PEBP4: variants seen among roughly 807,000 people sequenced by gnomAD.
PEBP4 encodes phosphatidylethanolamine binding protein 4.
In PEBP4, 22 loss-of-function variants were observed where a neutral mutation model predicts 23.9. The observed-to-expected ratio is 0.92, with a 90% CI of 0.66 to 1.31. PEBP4 has a LOEUF of 1.31. Among genes scored for constraint, PEBP4 ranks in the 40% most tolerant of loss-of-function variants. The pLI is 0.00. For synonymous variants in PEBP4, 112 were observed against 99.3 expected (o/e 1.13, Z -0.76); for missense variants, 324 against 281.7 (o/e 1.15, Z -1.07).
intron 3 of PEBP4, among the ~76,000 whole-genome samples, chr8:22,882,448 G>A (rs1303859162): frequency 6.6e-6 from 1 of 152,178 alleles, no homozygotes; most frequent in African/African-American, 2.4e-5. Flanking sequence ...CCAGGATTTG[G>A]GGTGGTGTGG....
At chr8:22,729,262 T>A (rs952236162) in intron 4 of PEBP4, among the ~76,000 whole-genome samples, 1 of 152,046 alleles carries the variant, frequency 6.6e-6, no homozygotes, top group African/African-American at 2.4e-5. Context: ...AGATGGAGAG[T>A]TCTAGGGCTG....
chr8:22,753,746 C>T (rs200937439), intron 4 of PEBP4, among the ~76,000 whole-genome samples: 5 of 152,148 alleles, frequency 3.3e-5, no homozygotes, highest in Admixed American at 6.5e-5. Context: ...GGCTGGTGGC[C>T]GCCTCAACAT....
chr8:22,734,953 TC>T (rs1027481170), intron 4 of PEBP4, among the ~76,000 whole-genome samples: 2 of 152,210 alleles, frequency 1.3e-5, no homozygotes, highest in African/African-American at 4.8e-5. Context: ...GCCCAGGCCA[TC>T]TGAGGCTTGA....
chr8:22,895,276 G>A (rs115567784), intron 3 of PEBP4, among the ~76,000 whole-genome samples: 2,235 of 152,204 alleles, frequency 0.015, 41 homozygotes, highest in African/African-American at 0.051. Flanking sequence ...TAAAGCTAAG[G>A]TGACAGAAGT....
intron 4 of PEBP4, among the ~76,000 whole-genome samples, chr8:22,759,300 C>G (rs765476529): frequency 1.6e-4 from 24 of 151,770 alleles, no homozygotes; most frequent in Non-Finnish European, 3.1e-4. Flanking sequence ...GGGGAGTACC[C>G]AGTCCTCTTG....
intron 2 of PEBP4, among the ~76,000 whole-genome samples, chr8:22,920,682 G>A (rs1229605326): frequency 6.6e-6 from 1 of 152,170 alleles, no homozygotes; most frequent in African/African-American, 2.4e-5. Flanking sequence ...GTAGGATTGA[G>A]TTTATAAAAA....
Position 22,940,490 on chromosome 8 carries a change from C to CTTTTTTTTTTT in PEBP4, c.145-12781_145-12771dup, listed in dbSNP as rs761722562. ...AACACCACCTTTACCATGAATTTCT[C>CTTTTTTTTTTT]TTTTTTTTTTTTTTTCGAGACGGAG... is the stretch of plus-strand genomic sequence containing the variant. On this transcript the variant is annotated intron_variant, in intron 1 of 1. Transcript: ENST00000522278. Among the ~76,000 whole-genome samples the CTTTTTTTTTTT allele has an allele frequency of 2.3e-4, 25 of 110,018 alleles. 1 individual carries two copies. Among genetic ancestry groups the CTTTTTTTTTTT allele is most frequent in the South Asian group, 5.6e-4 (2 of 3,598 alleles). 72.2% of individuals were successfully genotyped at this position (110,018 alleles called of 152,430 possible). A position where few individuals can be genotyped will look rare whatever the true frequency, so the allele number is the denominator to read the frequency against.
chr8:22,839,880 AG>A (rs1807288117), intron 3 of PEBP4, among the ~76,000 whole-genome samples: 1 of 151,356 alleles, frequency 6.6e-6, no homozygotes, highest in Non-Finnish European at 1.5e-5. Flanking sequence ...ATGGCTGAGG[AG>A]GGAGGCAATG....
chr8:22,842,105 G>A (rs1807340909), intron 3 of PEBP4, among the ~76,000 whole-genome samples: 2 of 152,238 alleles, frequency 1.3e-5, no homozygotes, highest in African/African-American at 4.8e-5. Context: ...GCAAACTCTT[G>A]ACACTTGAAA....
chr8:22,929,627 T>G (rs1384546318), upstream of PEBP4, among the ~76,000 whole-genome samples: 2 of 152,218 alleles, frequency 1.3e-5, no homozygotes, highest in Admixed American at 6.5e-5. Context: ...TAAAACCTGA[T>G]CTTGGTCACC....
At position 22,817,623 on chromosome 8, in the gene PEBP4, C is replaced by T; in HGVS notation, c.357+14G>A. ...ACCCCAAATGCGTCAGAGAGTGCCT[C>T]TTGGCCTGCTTACCTTGATATCTGT... On this transcript the variant is annotated intron_variant, in intron 4 of 6. Transcript: ENST00000256404. 1 of 1,610,702 alleles carries T rather than the reference C, an allele frequency of 6.2e-7. No individual in the cohort carries two copies. The highest frequency in any genetic ancestry group is 1.3e-5 in the African/African-American group (1 of 74,998).
At chr8:22,898,431 A>AAAAAAAAAC (rs1563253603) in intron 3 of PEBP4, among the ~76,000 whole-genome samples, 6 of 123,840 alleles carry the variant, frequency 4.8e-5, no homozygotes, top group Admixed American at 1.7e-4. Flanking sequence ...AAAAAAAAAA[A>AAAAAAAAAC]CCCACCCAGT....
At chr8:22,730,057 C>T (rs1804699850) in intron 4 of PEBP4, among the ~76,000 whole-genome samples, 1 of 152,174 alleles carries the variant, frequency 6.6e-6, no homozygotes, top group African/African-American at 2.4e-5. Context: ...TCAGCTAACT[C>T]AAGGTCTCAT....
chr8:22,930,155 G>A (rs527652757), upstream of PEBP4, among the ~76,000 whole-genome samples: 21 of 152,236 alleles, frequency 1.4e-4, no homozygotes, highest in African/African-American at 4.8e-4. Flanking sequence ...GGCTTTTCCT[G>A]TCTCTCTAGC....
Position 22,797,523 on chromosome 8 carries a change from A to G in PEBP4, c.357+20114T>C, listed in dbSNP as rs1806289024. ...CTTTAAGCAGGGTTGGGAAATTAGG[A>G]ATAACTTCGTTTTGGGAGAGAAGAA... On this transcript the variant is annotated intron_variant, in intron 4 of 6. Transcript: ENST00000256404. Among the ~76,000 whole-genome samples the G allele has an allele frequency of 2.6e-5, 4 of 152,122 alleles. 1 individual carries two copies. In the South Asian group the frequency reaches 8.3e-4, roughly 32 times the overall value.
chr8:22,748,471 G>A (rs1186085029), intron 4 of PEBP4, among the ~76,000 whole-genome samples: 1 of 151,752 alleles, frequency 6.6e-6, no homozygotes, highest in Admixed American at 6.6e-5. Context: ...TGCCTGAGGG[G>A]AGAGGGCACT....
In PEBP4 at chr8:22,765,113, ATTTC is replaced by A. The variant is rs1366964755; in HGVS notation, c.358-37897_358-37894del. ...AGTTTCTTTCCTTCTTCCTTCCTTT[ATTTC>A]TTCCTTCCTTCCTTCCTTCCTTCCT... On this transcript the variant is annotated intron_variant, in intron 4 of 6. Transcript: ENST00000256404. 8.8e-4 allele frequency among the ~76,000 whole-genome samples: 75 copies of A among 85,038 alleles called. 1 individual carries two copies. The highest frequency in any genetic ancestry group is 3.1e-3 in the African/African-American group (71 of 23,258). 55.8% of individuals were successfully genotyped at this position (85,038 alleles called of 152,430 possible).
intron 3 of PEBP4, among the ~76,000 whole-genome samples, chr8:22,889,557 T>A (rs747950065): frequency 1.5e-4 from 23 of 152,144 alleles, no homozygotes; most frequent in Non-Finnish European, 2.4e-4. Flanking sequence ...AACAGAACCC[T>A]TAAAGGAGGT....
intron 3 of PEBP4, among the ~76,000 whole-genome samples, chr8:22,871,385 G>A (rs1301195867): frequency 6.6e-6 from 1 of 151,938 alleles, no homozygotes; most frequent in Admixed American, 6.6e-5. Flanking sequence ...AATAATAATA[G>A]TCACTACAGA....
Sources: allele counts gnomAD v4.1 joint callset (sites outside exome capture counted in the v4.1 genomes callset), GRCh38; gene constraint gnomAD v4.1.1; transcripts MANE v1.5; gene names NCBI Gene and HGNC (gene_info 2026-07-23, HGNC 2026-07-21).